The following NEO1 variants were observed in gnomAD, a reference collection of about 807,000 sequenced individuals.
NEO1 encodes neogenin 1.
A neutral mutation model predicts 159.7 loss-of-function variants in NEO1; 63 were observed. That is an observed-to-expected ratio of 0.39 (90% CI 0.32 to 0.49). The LOEUF (loss-of-function observed/expected upper bound fraction) is 0.49, where lower values mean the gene tolerates loss of function less well. Ranked by LOEUF, NEO1 falls within the 20% of genes least tolerant of loss-of-function variation. The pLI, the probability that NEO1 is intolerant of heterozygous loss-of-function variation, is 0.85. For missense variants in NEO1, 1,615 were observed against 1,831.0 expected, an observed-to-expected ratio of 0.88 and a Z score of 2.15; for synonymous variants, 633 against 662.0, an observed-to-expected ratio of 0.96 and a Z score of 0.67.
At position 73,243,618 on chromosome 15, in the gene NEO1, A is replaced by G. The variant is rs192326900; in HGVS notation, c.1452-726A>G. Among the ~76,000 whole-genome samples the G allele has an allele frequency of 1.9e-3, 290 of 152,302 alleles. 1 individual carries two copies. The highest frequency in any genetic ancestry group is 6.5e-3 in the African/African-American group (271 of 41,560). On this transcript the variant is annotated intron_variant, in intron 8 of 28. Transcript: ENST00000261908. Reference sequence around the variant, plus strand: ...TTGGTCACACAGACCCCAAGACAGAACCTGGAAGCCACCTTTAGTAAAGAA... The same window carrying G: ...TTGGTCACACAGACCCCAAGACAGAGCCTGGAAGCCACCTTTAGTAAAGAA...
At chr15:73,189,679 A>G (rs2036134058) in intron 7 of NEO1, among the ~76,000 whole-genome samples, 1 of 152,248 alleles carries the variant, frequency 6.6e-6, no homozygotes, top group African/African-American at 2.4e-5. Flanking sequence ...CTGGGCTGCA[A>G]GAAGCTGCGT....
intron 5 of NEO1, among the ~76,000 whole-genome samples, chr15:73,154,004 A>G (rs2151849200): frequency 6.6e-6 from 1 of 152,322 alleles, no homozygotes; most frequent in Admixed American, 6.5e-5. Flanking sequence ...TCCAAGGTAT[A>G]ATTTATACTG....
At chr15:73,269,765 A>G (rs1405156308) in intron 16 of NEO1, among the ~76,000 whole-genome samples, 1 of 152,222 alleles carries the variant, frequency 6.6e-6, no homozygotes, top group Middle Eastern at 3.2e-3. Context: ...TAATATGCCT[A>G]TAGAATGCAG....
At chr15:73,226,067 A>G (rs2038573202) in intron 7 of NEO1, among the ~76,000 whole-genome samples, 1 of 152,174 alleles carries the variant, frequency 6.6e-6, no homozygotes, top group Non-Finnish European at 1.5e-5. Flanking sequence ...CAGTTTCTCC[A>G]GTGGGGATGT....
At chr15:73,198,231 A>G (rs1242068886) in intron 7 of NEO1, among the ~76,000 whole-genome samples, 2 of 152,102 alleles carry the variant, frequency 1.3e-5, no homozygotes, top group Admixed American at 6.5e-5. Flanking sequence ...AAACAATTAA[A>G]AAGAACTTCA....
chr15:73,263,316 C>T (rs967631484), intron 15 of NEO1, among the ~76,000 whole-genome samples: 4 of 151,706 alleles, frequency 2.6e-5, no homozygotes, highest in African/African-American at 9.7e-5. Flanking sequence ...GCCTCAACCT[C>T]CTGAGTAGCT....
At chr15:73,068,339 A>G (rs962218163) in intron 1 of NEO1, among the ~76,000 whole-genome samples, 2 of 148,092 alleles carry the variant, frequency 1.4e-5, no homozygotes, top group African/African-American at 2.5e-5. Flanking sequence ...CTAGTGCCCA[A>G]TAGCTGGGAT....
At chr15:73,096,032 A>G (rs2070008892) in intron 1 of NEO1, among the ~76,000 whole-genome samples, 1 of 152,214 alleles carries the variant, frequency 6.6e-6, no homozygotes, top group Non-Finnish European at 1.5e-5. Context: ...GCTTACGAAA[A>G]GTTTATGGGG....
chr15:73,219,809 A>G lies in NEO1; in HGVS notation c.1292-16538A>G, dbSNP rs1469418971. Among the ~76,000 whole-genome samples, 92 of 142,094 alleles carry G rather than the reference A, an allele frequency of 6.5e-4. 1 individual carries two copies. The highest frequency in any genetic ancestry group is 1.9e-3 in the African/African-American group (73 of 37,984). The allele number at this position is 142,094 out of a possible 152,430, so 93.2% of individuals were successfully genotyped here. On this transcript the variant is annotated intron_variant, in intron 7 of 28. Transcript: ENST00000261908. ...TCCTCCATCCTTTTATTTTGAGCCT[A>G]TGTGTGTCTCTGCACGTGAGATGGG...
rs190582612 is a variant in NEO1, at chr15:73,249,225, C to G, written c.1755+17C>G. ...AAAGAACAGGTATGAAGTGAAGCAA[C>G]TTTTCAAACCATTGATTGGAATAGT... On this transcript the variant is annotated intron_variant, in intron 10 of 28. Coordinates refer to ENST00000261908, the MANE Select transcript of NEO1 (RefSeq NM_002499.4). 16 of 1,612,388 alleles carry G rather than the reference C, an allele frequency of 9.9e-6. No homozygotes were observed. The Admixed American group carries it at 2.7e-4, about 27-fold the overall frequency.
Position 73,272,661 on chromosome 15 carries a change from A to G in NEO1, c.2965+99A>G, listed in dbSNP as rs368310441. ...GTTGCTGGGAGAAGTGGGAGTCTGA[A>G]GGCTGGCTTGGTCATTTTATGGTAA... On this transcript the variant is annotated intron_variant, in intron 19 of 28. Coordinates refer to ENST00000261908, the MANE Select transcript of NEO1 (RefSeq NM_002499.4). 11 of 861,472 alleles carry G rather than the reference A, an allele frequency of 1.3e-5. No homozygotes were observed. In the Middle Eastern group the frequency reaches 6.6e-4, roughly 52 times the overall value. The allele number at this position is 861,472 out of a possible 1,614,324, so 53.4% of individuals were successfully genotyped here. A position where few individuals can be genotyped will look rare whatever the true frequency, so the allele number is the denominator to read the frequency against.
intron 1 of NEO1, among the ~76,000 whole-genome samples, chr15:73,072,905 A>G (rs2068603043): frequency 6.6e-6 from 1 of 152,206 alleles, no homozygotes; most frequent in Non-Finnish European, 1.5e-5. Context: ...GACATGTCAA[A>G]GATGATTCCT....
chr15:73,065,915 A>G (rs1038061364), intron 1 of NEO1, among the ~76,000 whole-genome samples: 1 of 152,220 alleles, frequency 6.6e-6, no homozygotes, highest in Non-Finnish European at 1.5e-5. Flanking sequence ...TTAGGAAAAC[A>G]GTAATAGTCC....
At chr15:73,228,548 T>A (rs1347522628) in intron 7 of NEO1, among the ~76,000 whole-genome samples, 1 of 151,922 alleles carries the variant, frequency 6.6e-6, no homozygotes, top group Non-Finnish European at 1.5e-5. Context: ...TTTGGGTTGT[T>A]TTTTGTTGTT....
intron 5 of NEO1, among the ~76,000 whole-genome samples, chr15:73,144,188 AC>A (rs1299392031): frequency 6.6e-6 from 1 of 152,360 alleles, no homozygotes; most frequent in African/African-American, 2.4e-5. Flanking sequence ...AGGAAGATGA[AC>A]CATTACCTCT....
At chr15:73,215,187 T>C (rs745991138) in intron 7 of NEO1, among the ~76,000 whole-genome samples, 8 of 152,180 alleles carry the variant, frequency 5.3e-5, no homozygotes, top group Non-Finnish European at 1.0e-4. Flanking sequence ...GAGGAGTCTT[T>C]AGGGTTTTCA....
chr15:73,140,979 T>C (rs1418968387), intron 5 of NEO1, among the ~76,000 whole-genome samples: 1 of 152,204 alleles, frequency 6.6e-6, no homozygotes, highest in Non-Finnish European at 1.5e-5. Context: ...TACCGAATGT[T>C]GCACAGCCCG....
At chr15:73,218,425 A>G (rs2038030860) in intron 7 of NEO1, among the ~76,000 whole-genome samples, 1 of 151,892 alleles carries the variant, frequency 6.6e-6, no homozygotes, top group African/African-American at 2.4e-5. Flanking sequence ...TGGTATCAGG[A>G]TGATGCTGGC....
intron 13 of NEO1, among the ~76,000 whole-genome samples, chr15:73,257,132 C>CAAAAAAAAAAAAAAAAAAA (rs10623334): frequency 2.9e-4 from 16 of 54,774 alleles, no homozygotes; most frequent in African/African-American, 8.7e-4. Context: ...ACTCTGTCTC[C>CAAAAAAAAAAAAAAAAAAA]AAAAAAAAAA....
Sources: allele counts gnomAD v4.1 joint callset (sites outside exome capture counted in the v4.1 genomes callset), GRCh38; gene constraint gnomAD v4.1.1; transcripts MANE v1.5; gene names NCBI Gene and HGNC (gene_info 2026-07-23, HGNC 2026-07-21).